Variants in UACA observed in about 807,000 individuals in gnomAD.
UACA encodes the protein uveal autoantigen with coiled-coil domains and ankyrin repeats, also known as nuclear membrane binding protein.
In UACA, 112 loss-of-function variants were observed where a neutral mutation model predicts 160.5. The ratio of observed to expected loss-of-function variants is 0.70; its 90% CI spans 0.60 to 0.82. The LOEUF (loss-of-function observed/expected upper bound fraction) is 0.82, where lower values mean the gene tolerates loss of function less well. Among genes scored for constraint, UACA ranks in the 40% least tolerant of loss-of-function variants. The probability of loss-of-function intolerance (pLI) is 0.00; values close to 1 mark genes in which losing one functional copy is unlikely to be tolerated. For missense variants in UACA, 1,574 were observed against 1,614.6 expected (o/e 0.97, Z 0.43); for synonymous variants, 557 against 568.4 (o/e 0.98, Z 0.29).
chr15:70,682,859 C>A, intron 8 of UACA, 64 bp from the exon 9 acceptor site: 2 of 1,053,374 alleles, frequency 1.9e-6, no homozygotes, highest in South Asian at 3.5e-5. Flanking sequence ...GTACGCATTC[C>A]CTAACTATAC....
intron 1 of UACA, among the ~76,000 whole-genome samples, chr15:70,718,058 C>CACACACACACACACAT (rs1555414601): frequency 6.8e-6 from 1 of 146,036 alleles, no homozygotes; most frequent in African/African-American, 2.7e-5. Context: ...CACACACACA[C>CACACACACACACACAT]ATATATATCC....
chr15:70,755,307 A>C (rs2030351942), intron 1 of UACA, among the ~76,000 whole-genome samples: 1 of 152,144 alleles, frequency 6.6e-6, no homozygotes, highest in Non-Finnish European at 1.5e-5. Context: ...TTTCATGACT[A>C]GTCAGTTCTC....
intron 1 of UACA, chr15:70,753,997 G>T: frequency 1.0e-5 from 4 of 394,320 alleles, no homozygotes; most frequent in South Asian, 7.6e-5. Flanking sequence ...GTGGAGACAG[G>T]GTTTCATCAT....
At chr15:70,723,159 AATATATGTGTACT>A (rs1410734823) in intron 1 of UACA, among the ~76,000 whole-genome samples, 8 of 152,350 alleles carry the variant, frequency 5.3e-5, no homozygotes, top group Middle Eastern at 3.4e-3. Context: ...AGTTAGGGTT[AATATATGTGTACT>A]CTGAAAATGC....
intron 1 of UACA, among the ~76,000 whole-genome samples, chr15:70,709,627 G>A (rs1408339595): frequency 6.6e-6 from 1 of 152,074 alleles, no homozygotes; most frequent in Admixed American, 6.6e-5. Flanking sequence ...TTTACATCTA[G>A]ACTCTTTTCT....
At chr15:70,674,202 G>A (rs1041290301) in intron 13 of UACA, among the ~76,000 whole-genome samples, 15 of 151,878 alleles carry the variant, frequency 9.9e-5, no homozygotes, top group African/African-American at 3.6e-4. Context: ...ATAAATACTG[G>A]GTCACATATA....
At chr15:70,771,773 T>A in the UACA span, among the ~76,000 whole-genome samples, 1 of 152,162 alleles carries the variant, frequency 6.6e-6, no homozygotes, top group Non-Finnish European at 1.5e-5. Context: ...GAAAGGAGCC[T>A]GTCAAGCATA....
At chr15:70,675,988 C>A (rs1393857340) in intron 13 of UACA, among the ~76,000 whole-genome samples, 17 of 152,116 alleles carry the variant, frequency 1.1e-4, no homozygotes, top group Non-Finnish European at 2.5e-4. Flanking sequence ...TATAAATTTT[C>A]TTTATTTTGT....
intron 1 of UACA, among the ~76,000 whole-genome samples, chr15:70,717,462 C>T (rs1372310025): frequency 1.3e-5 from 2 of 152,220 alleles, no homozygotes; most frequent in African/African-American, 4.8e-5. Flanking sequence ...CCACTGTAAA[C>T]TAAAACAGCC....
intron 1 of UACA, among the ~76,000 whole-genome samples, chr15:70,748,236 CA>C (rs964846251): frequency 2.3e-4 from 35 of 150,642 alleles, no homozygotes; most frequent in South Asian, 6.3e-4. Flanking sequence ...AAAGAAAAGT[CA>C]AAAAAAAATT....
At chr15:70,686,869 A>C (rs1897743157) in intron 7 of UACA, among the ~76,000 whole-genome samples, 1 of 152,188 alleles carries the variant, frequency 6.6e-6, no homozygotes, top group African/African-American at 2.4e-5. Flanking sequence ...TTGTGACCAT[A>C]AACTTCAGAA....
intron 1 of UACA, among the ~76,000 whole-genome samples, chr15:70,754,652 A>G (rs1239861376): frequency 6.6e-6 from 1 of 152,228 alleles, no homozygotes; most frequent in African/African-American, 2.4e-5. Context: ...ACATCAGTTC[A>G]TCTTCTGCAT....
At chr15:70,764,491 T>TC (rs917772976), upstream of UACA, among the ~76,000 whole-genome samples, 2 of 151,870 alleles carry the variant, frequency 1.3e-5, no homozygotes, top group Non-Finnish European at 2.9e-5. Context: ...GAGTCATTTT[T>TC]CCCCCCAGCA....
Position 70,672,035 on chromosome 15 carries a change from A to G in UACA, c.1132-34T>C, listed in dbSNP as rs1032677510. 1.9e-6 allele frequency: 3 copies of G among 1,568,590 alleles called. No homozygotes were observed. The African/African-American group carries it at 4.1e-5, about 21-fold the overall frequency. On this transcript the variant is annotated intron_variant, in intron 13 of 18. Transcript: ENST00000322954. ...AGAAGCATAAAATATTTTAGGGTGA[A>G]TGCTGCCTCATTTTGTTAAATTCTG...
At chr15:70,774,224 T>C in the UACA span, among the ~76,000 whole-genome samples, 1 of 152,150 alleles carries the variant, frequency 6.6e-6, no homozygotes, top group Non-Finnish European at 1.5e-5. Flanking sequence ...ATGATGAAGC[T>C]GAAGCTTCCA....
intron 10 of UACA, 116 bp downstream of exon 10, chr15:70,679,492 C>G (rs1453125685): frequency 1.9e-6 from 1 of 540,088 alleles, no homozygotes; most frequent in African/African-American, 2.0e-5. Context: ...AACGAGCTTC[C>G]CTTTCTTTGC....
At chr15:70,770,344 A>G in the UACA span, among the ~76,000 whole-genome samples, 2 of 152,240 alleles carry the variant, frequency 1.3e-5, no homozygotes, top group African/African-American at 4.8e-5. Flanking sequence ...CATTTAGGCC[A>G]TCAGGACTAT....
chr15:70,674,362 G>T (rs1440455329), intron 13 of UACA, among the ~76,000 whole-genome samples: 1 of 152,144 alleles, frequency 6.6e-6, no homozygotes. Flanking sequence ...GATCCCACCT[G>T]TTGAATGAGT....
the UACA span, among the ~76,000 whole-genome samples, chr15:70,774,477 C>T: frequency 1.3e-5 from 2 of 148,536 alleles, no homozygotes; most frequent in South Asian, 2.1e-4. Context: ...ACCCAGGAGG[C>T]GGAGCTTGCA....
Sources: allele counts gnomAD v4.1 joint callset (sites outside exome capture counted in the v4.1 genomes callset), GRCh38; gene constraint gnomAD v4.1.1; transcripts MANE v1.5; gene names NCBI Gene and HGNC (gene_info 2026-07-23, HGNC 2026-07-21).